SETD5: variants seen among roughly 807,000 people sequenced by gnomAD.
SETD5 encodes histone-lysine N-methyltransferase SETD5.
A neutral mutation model predicts 153.3 loss-of-function variants in SETD5; 44 were observed. That is an observed-to-expected ratio of 0.29 (90% confidence interval 0.23 to 0.37). The LOEUF (loss-of-function observed/expected upper bound fraction) is 0.37. SETD5 is among the 10% of genes least tolerant of loss of function. The pLI, the probability that SETD5 is intolerant of heterozygous loss-of-function variation, is 1.00. For missense variants in SETD5, 1,544 were observed against 1,768.0 expected (o/e 0.87, Z 2.27); for synonymous variants, 716 against 645.2 (o/e 1.11, Z -1.66).
chr3:9,445,832 A>G (rs1187897209), intron 13 of SETD5, 92 bp downstream of exon 13: 8 of 801,292 alleles, frequency 1.0e-5, no homozygotes, highest in African/African-American at 3.5e-5. Context: ...GTATCATCTC[A>G]TTGATTTGAC....
chr3:9,453,910 T>C, intron 17 of SETD5, 42 bp downstream of exon 17: 1 of 1,460,644 alleles, frequency 6.8e-7, no homozygotes, highest in South Asian at 1.5e-5. Flanking sequence ...CCAATGATTG[T>C]TTCAGGTCTG....
chr3:9,463,421 A>T (rs921450965), intron 17 of SETD5, among the ~76,000 whole-genome samples: 1 of 152,342 alleles, frequency 6.6e-6, no homozygotes, highest in African/African-American at 2.4e-5. Context: ...GGTATTAAAT[A>T]TATATACTTT....
At chr3:9,438,527 A>G (rs1326458489) in intron 7 of SETD5, among the ~76,000 whole-genome samples, 7 of 150,140 alleles carry the variant, frequency 4.7e-5, no homozygotes, top group Admixed American at 4.0e-4. Flanking sequence ...TAAAATTTAG[A>G]AAAAAAAATT....
intron 1 of SETD5, among the ~76,000 whole-genome samples, chr3:9,417,661 A>AT (rs2037696200): frequency 6.6e-6 from 1 of 151,104 alleles, no homozygotes; most frequent in East Asian, 2.0e-4. Context: ...AATTTTTCGT[A>AT]TTTTTAGTAG....
At chr3:9,422,678 C>T (rs1004285604) in intron 1 of SETD5, among the ~76,000 whole-genome samples, 1 of 152,120 alleles carries the variant, frequency 6.6e-6, no homozygotes, top group East Asian at 1.9e-4. Flanking sequence ...ATGGCTTGTT[C>T]TTATGTATCT....
At chr3:9,431,364 G>T in intron 3 of SETD5, 1 of 985,304 alleles carries the variant, frequency 1.0e-6, no homozygotes, top group Non-Finnish European at 1.2e-6. Context: ...CCAATTCAGT[G>T]ATAGGAGAAG....
Position 9,434,644 on chromosome 3 carries a change from A to G in SETD5, c.329+159A>G. The G allele has an allele frequency of 6.8e-7, 1 of 1,471,402 alleles. No individual in the cohort carries two copies. Among genetic ancestry groups the G allele is most frequent in the Non-Finnish European group, 9.0e-7 (1 of 1,111,808 alleles). The allele number at this position is 1,471,402 out of a possible 1,614,324, so 91.1% of individuals were successfully genotyped here. A position where few individuals can be genotyped will look rare whatever the true frequency, so the allele number is the denominator to read the frequency against. On this transcript the variant is annotated intron_variant, in intron 5 of 22. Coordinates refer to ENST00000402198, the MANE Select transcript of SETD5 (RefSeq NM_001080517.3). The surrounding 1 kb of genome is among the most constrained non-coding windows in gnomAD (Gnocchi z 5.6). ...TCTCTGCACTAGGTGAGAATTGCTG[A>G]CAACAAGGAATGAGAGATTGATGTT...
At position 9,477,537 on chromosome 3, in the gene SETD5, T is replaced by A. The variant is rs1446267241; in HGVS notation, c.*1446T>A. ...CTTCCTTCCCTCTAATTTGTTTTCC[T>A]TTTTTCCCCAGCCTCTTGCATCCCC... On this transcript the variant is annotated 3_prime_UTR_variant, in exon 23 of 23. Transcript: ENST00000402198. 6.6e-6 allele frequency: 1 copy of A among 152,560 alleles called. No homozygotes were observed. Among genetic ancestry groups the A allele is most frequent in the East Asian group, 1.9e-4 (1 of 5,186 alleles). The allele number at this position is 152,560 out of a possible 1,614,324, so 9.5% of individuals were successfully genotyped here.
chr3:9,437,131 G>C (rs926607202), intron 7 of SETD5, among the ~76,000 whole-genome samples: 1 of 152,000 alleles, frequency 6.6e-6, no homozygotes, highest in African/African-American at 2.4e-5. Context: ...TGCTTTCCTA[G>C]GGGGTAAGTG....
chr3:9,466,270 A>T (rs1190144018), intron 18 of SETD5, among the ~76,000 whole-genome samples: 1 of 146,138 alleles, frequency 6.8e-6, no homozygotes, highest in Admixed American at 6.9e-5. Context: ...CCTGGGCAAC[A>T]GAGCAAGACT....
Position 9,464,655 on chromosome 3 carries a change from A to C in SETD5, c.2707A>C (p.Thr903Pro), listed in dbSNP as rs2044349594. Residue 903 changes from threonine to proline, a missense_variant, in exon 18 of 23, where the codon ACT becomes CCT. Physicochemically the swap from Thr to Pro is conservative, Grantham distance 38 (BLOSUM62 -1). Coordinates refer to ENST00000402198, the MANE Select transcript of SETD5 (RefSeq NM_001080517.3). ...TSLTTASRCN[T>P]PLQFELCHRK... ...TCTTACTACTGCTAGTCGCTGCAAC[A>C]CTCCTCTACAGTTTGAGGTGATTTG... 9 of 1,613,646 alleles carry C rather than the reference A, an allele frequency of 5.6e-6. No homozygotes were observed. Among genetic ancestry groups the C allele is most frequent in the Non-Finnish European group, 7.6e-6 (9 of 1,179,842 alleles).
rs1454241526 is a variant in SETD5, at chr3:9,464,484, A to C, written c.2536A>C (p.Lys846Gln). Residue 846 changes from lysine to glutamine, a missense_variant, in exon 18 of 23, where the codon AAG (lysine) becomes CAG (glutamine). Physicochemically the swap from Lys to Gln is moderately conservative, Grantham distance 53. This residue lies in a region of SETD5 where 782 missense variants were observed against 787.2 expected (regional missense o/e 0.99). Coordinates refer to ENST00000402198, the MANE Select transcript of SETD5 (RefSeq NM_001080517.3). ...CTATCTGATGGAGCAGAATGTCACC[A>C]AGTTACTTCGGCCTCTGTCTCCAGT... The part of the protein sequence containing the change: ...SRYLMEQNVT[K>Q]LLRPLSPVTP... The C allele has an allele frequency of 3.1e-6, 5 of 1,613,982 alleles. No individual in the cohort carries two copies. The East Asian group carries it at 1.1e-4, about 36-fold the overall frequency.
chr3:9,467,121 C>T (rs2044676020), intron 18 of SETD5, among the ~76,000 whole-genome samples: 1 of 147,746 alleles, frequency 6.8e-6, no homozygotes, highest in Admixed American at 6.8e-5. Flanking sequence ...ATTGCTTGAG[C>T]CTGGGAGGTT....
At chr3:9,401,561 C>A (rs1292648363) in intron 1 of SETD5, among the ~76,000 whole-genome samples, 3 of 152,026 alleles carry the variant, frequency 2.0e-5, no homozygotes, top group Non-Finnish European at 2.9e-5. Flanking sequence ...TTCATTTTTA[C>A]CTTTGAATGG....
At chr3:9,433,508 C>G in intron 3 of SETD5, 1 of 1,292,964 alleles carries the variant, frequency 7.7e-7, no homozygotes, top group Non-Finnish European at 1.0e-6. Context: ...AAGAATAGTT[C>G]TGAGTCTAAA....
chr3:9,417,444 T>C (rs1266545234), intron 1 of SETD5, among the ~76,000 whole-genome samples: 1 of 152,132 alleles, frequency 6.6e-6, no homozygotes, highest in African/African-American at 2.4e-5. Context: ...GAAGTCCATA[T>C]TTTGTCTCCT....
chr3:9,434,664 G>T lies in SETD5; in HGVS notation c.330-160G>T. Reference sequence around the variant, plus strand: ...TGCTGACAACAAGGAATGAGAGATTGATGTTAAAGCTATTGAATTTGATAT... The same window carrying T: ...TGCTGACAACAAGGAATGAGAGATTTATGTTAAAGCTATTGAATTTGATAT... On this transcript the variant is annotated intron_variant, in intron 5 of 22. Coordinates refer to ENST00000402198, the MANE Select transcript of SETD5 (RefSeq NM_001080517.3). This position sits in a 1 kb window ranked among gnomAD's most constrained non-coding sequence, Gnocchi z 5.6. The T allele has an allele frequency of 6.8e-7, 1 of 1,467,330 alleles. No homozygotes were observed. The allele number at this position is 1,467,330 out of a possible 1,614,324, so 90.9% of individuals were successfully genotyped here. A position where few individuals can be genotyped will look rare whatever the true frequency, so the allele number is the denominator to read the frequency against.
intron 13 of SETD5, among the ~76,000 whole-genome samples, chr3:9,446,455 G>A (rs1162318930): frequency 6.6e-6 from 1 of 151,368 alleles, no homozygotes; most frequent in East Asian, 1.9e-4. Context: ...CTTTTATGCT[G>A]AAACCAATCC....
chr3:9,475,159 G>A lies in SETD5; in HGVS notation c.3720+3G>A, dbSNP rs1457762968. On this transcript the variant is annotated splice_donor_region_variant and intron_variant, in intron 22 of 22. Transcript: ENST00000402198. ...GCCCTTCCAGATACAGCTACCAGGT[G>A]AGATGAGAAATTGCTGGTCTCTAGC... 5 of 1,575,748 alleles carry A rather than the reference G, an allele frequency of 3.2e-6. No individual in the cohort carries two copies. The Middle Eastern group carries it at 5.0e-4, about 157-fold the overall frequency.
Sources: gnomAD v4.1 joint callset for allele counts (sites outside exome capture counted in the v4.1 genomes callset) on GRCh38, gnomAD v4.1.1 for gene constraint, gnomAD v4.1.1 regional missense constraint, Gnocchi (gnomAD v3.1) non-coding constraint, MANE v1.5 for transcripts, NCBI Gene and HGNC (gene_info 2026-07-23, HGNC 2026-07-21) for gene names.